MEI1: variants seen among roughly 807,000 people sequenced by gnomAD.
The protein encoded by MEI1 is meiotic double-stranded break formation protein 1.
A neutral mutation model predicts 146.2 loss-of-function variants in MEI1; 103 were observed. That is an observed-to-expected ratio of 0.70 (90% confidence interval 0.60 to 0.83). MEI1 has a LOEUF of 0.83. MEI1 is among the 40% of genes least tolerant of loss of function. The pLI is 0.00. For synonymous variants in MEI1, 652 were observed against 628.2 expected, an observed-to-expected ratio of 1.04 and a Z score of -0.57; for missense variants, 1,529 against 1,533.0, an observed-to-expected ratio of 1.00 and a Z score of 0.04.
intron 6 of MEI1, among the ~76,000 whole-genome samples, chr22:41,721,234 G>GTGCCTGGCTAATTAAAAAA: frequency 8.7e-6 from 1 of 114,520 alleles, no homozygotes; most frequent in South Asian, 2.7e-4. Flanking sequence ...CACCACGCCC[G>GTGCCTGGCTAATTAAAAAA]TTCTTTTTTT....
chr22:41,718,104 T>C lies in MEI1; in HGVS notation c.563T>C (p.Val188Ala), dbSNP rs770843184. ...NLMEHLLRGL[V>A]YPSEGIQASV... The stretch of plus-strand genomic sequence containing the variant: ...ATGGAGCATCTGTTGAGAGGCTTAG[T>C]ATACCCCAGTGAGGGCATACAAGCT... Residue 188 changes from valine to alanine, a missense_variant, in exon 6 of 31, where the codon GTA (valine) becomes GCA (alanine). By Grantham distance (64) the Val-to-Ala change is moderately conservative. Around this residue, in one of 3 missense-constraint regions of MEI1, gnomAD observed 1,212 missense variants for 1,178.9 expected, o/e 1.03. Coordinates refer to ENST00000401548, the MANE Select transcript of MEI1 (RefSeq NM_152513.4). 6.2e-6 allele frequency: 10 copies of C among 1,612,968 alleles called. No homozygotes were observed. Among genetic ancestry groups the C allele is most frequent in the Non-Finnish European group, 8.5e-6 (10 of 1,179,758 alleles).
chr22:41,737,214 A>G (rs1162729747), intron 11 of MEI1, among the ~76,000 whole-genome samples: 2 of 152,032 alleles, frequency 1.3e-5, no homozygotes, highest in East Asian at 1.9e-4. Context: ...TATAGCACCT[A>G]TCAAACATTT....
At chr22:41,741,730 CT>C (rs1488070271) in intron 11 of MEI1, among the ~76,000 whole-genome samples, 1 of 152,142 alleles carries the variant, frequency 6.6e-6, no homozygotes, top group Non-Finnish European at 1.5e-5. Context: ...AATTCCAGCA[CT>C]TTGAGAGGCT....
At chr22:41,785,689 G>A (rs1365705984) in intron 26 of MEI1, among the ~76,000 whole-genome samples, 26 of 151,312 alleles carry the variant, frequency 1.7e-4, no homozygotes, top group African/African-American at 3.4e-4. Flanking sequence ...TCAGCCTCCC[G>A]AGTAGCTGGG....
chr22:41,752,649 G>A lies in MEI1; in HGVS notation c.1851G>A (p.Leu617=), dbSNP rs2147862543. The change falls in exon 16 of 31, where the codon CTG becomes CTA. Residue 617 remains leucine (L), a splice_region_variant and synonymous_variant. Transcript: ENST00000401548. The stretch of plus-strand genomic sequence containing the variant: ...TGAAGGCCAGGTTTTGCAGTGGTCT[G>A]AGGTATGTGTGGTCCCAGGCAAGAT... ...LELKARFCSG[L]SHSALNQVCS... 1 of 1,593,842 alleles carries A rather than the reference G, an allele frequency of 6.3e-7. No individual in the cohort carries two copies. Among genetic ancestry groups the A allele is most frequent in the Non-Finnish European group, 8.5e-7 (1 of 1,170,264 alleles).
At chr22:41,723,898 G>A (rs2071086702) in intron 6 of MEI1, 45 bp from the exon 7 acceptor site, 4 of 1,559,448 alleles carry the variant, frequency 2.6e-6, no homozygotes, top group South Asian at 2.4e-5. Context: ...GTACTCTGGT[G>A]CCTGTGTTCC....
At chr22:41,709,177 T>C (rs2147264855) in intron 3 of MEI1, 1 of 771,838 alleles carries the variant, frequency 1.3e-6, no homozygotes, top group East Asian at 2.5e-5. Flanking sequence ...TTTCAAACTG[T>C]ACAGTCACCA....
At chr22:41,765,201 A>T (rs949987243) in intron 19 of MEI1, among the ~76,000 whole-genome samples, 3 of 152,162 alleles carry the variant, frequency 2.0e-5, no homozygotes, top group African/African-American at 7.2e-5. Context: ...TTTTTAGTAG[A>T]GACGGGTTTT....
chr22:41,741,100 A>G (rs1475132069), intron 11 of MEI1, among the ~76,000 whole-genome samples: 2 of 152,124 alleles, frequency 1.3e-5, no homozygotes, highest in Non-Finnish European at 2.9e-5. Flanking sequence ...TAGTAGAGAC[A>G]GGGTTTCATA....
At chr22:41,793,305 A>G (rs1326351858) in intron 26 of MEI1, among the ~76,000 whole-genome samples, 1 of 151,682 alleles carries the variant, frequency 6.6e-6, no homozygotes, top group African/African-American at 2.4e-5. Flanking sequence ...CTGGGATTAC[A>G]GGTGTGAGCC....
At chr22:41,792,932 A>G (rs995888409) in intron 26 of MEI1, among the ~76,000 whole-genome samples, 4 of 141,934 alleles carry the variant, frequency 2.8e-5, no homozygotes, top group African/African-American at 9.9e-5. Context: ...AAAAAAAAAA[A>G]AGGTTGAAAC....
In MEI1 at chr22:41,752,657, TGTG is replaced by T. The variant is rs759753557; in HGVS notation, c.1853+9_1853+11del. ...AGGTTTTGCAGTGGTCTGAGGTATG[TGTG>T]GTCCCAGGCAAGATTGAGTGGCCAA... On this transcript the variant is annotated splice_region_variant and intron_variant, in intron 16 of 30. Transcript: ENST00000401548. 3 of 1,590,298 alleles carry T rather than the reference TGTG, an allele frequency of 1.9e-6. No homozygotes were observed. The East Asian group carries it at 6.8e-5, about 36-fold the overall frequency.
intron 21 of MEI1, among the ~76,000 whole-genome samples, chr22:41,777,161 T>TA (rs1280363255): frequency 5.3e-5 from 8 of 149,672 alleles, no homozygotes; most frequent in Non-Finnish European, 7.4e-5. Flanking sequence ...AAAAATAATT[T>TA]TTTTTTTTTT....
chr22:41,778,014 C>T (rs1212069281), intron 21 of MEI1, among the ~76,000 whole-genome samples: 2 of 151,154 alleles, frequency 1.3e-5, no homozygotes, highest in African/African-American at 4.9e-5. Context: ...CCTTCCTTCT[C>T]CTCCTTTCTT....
At chr22:41,759,107 C>T (rs1460065010) in intron 18 of MEI1, among the ~76,000 whole-genome samples, 1 of 152,192 alleles carries the variant, frequency 6.6e-6, no homozygotes, top group Non-Finnish European at 1.5e-5. Context: ...TGTGCCACTG[C>T]ACTCCAGCCT....
At chr22:41,773,278 A>G (rs1473821540) in intron 20 of MEI1, among the ~76,000 whole-genome samples, 1 of 152,180 alleles carries the variant, frequency 6.6e-6, no homozygotes, top group Non-Finnish European at 1.5e-5. Context: ...GTTGTTGCAT[A>G]GAGGACTAGG....
chr22:41,732,202 G>A, intron 9 of MEI1, 43 bp from the exon 10 acceptor site: 2 of 1,495,030 alleles, frequency 1.3e-6, no homozygotes, highest in South Asian at 2.4e-5. Flanking sequence ...GAAGGAACAA[G>A]AGAGCACTGA....
Position 41,699,562 on chromosome 22 carries a change from G to A in MEI1, c.24G>A (p.Thr8=), listed in dbSNP as rs758922004. 6.2e-7 allele frequency: 1 copy of A among 1,612,064 alleles called. No individual in the cohort carries two copies. The highest frequency in any genetic ancestry group is 8.5e-7 in the Non-Finnish European group (1 of 1,179,126). Residue 8 remains threonine (T), a synonymous_variant, in exon 1 of 31, where the codon ACG becomes ACA. Coordinates refer to ENST00000401548, the MANE Select transcript of MEI1 (RefSeq NM_152513.4). MAVRQAA[T]AGTPGPRREE... ...AGATGGCTGTGAGGCAGGCGGCGAC[G>A]GCGGGCACTCCCGGGCCCAGGAGAG...
intron 11 of MEI1, among the ~76,000 whole-genome samples, chr22:41,733,345 A>G (rs1308510920): frequency 6.6e-6 from 1 of 152,018 alleles, no homozygotes; most frequent in Admixed American, 6.6e-5. Flanking sequence ...GGCTGCTTGA[A>G]GGCTGAGGTG....
Sources: allele counts gnomAD v4.1 joint callset (sites outside exome capture counted in the v4.1 genomes callset), GRCh38; gene constraint gnomAD v4.1.1; regional missense constraint gnomAD v4.1.1; transcripts MANE v1.5; gene names NCBI Gene and HGNC (gene_info 2026-07-23, HGNC 2026-07-21).